RGS5: variants seen among roughly 807,000 people sequenced by gnomAD.
RGS5 encodes the protein regulator of G protein signaling 5.
A neutral mutation model predicts 18.9 loss-of-function variants in RGS5; 20 were observed. The ratio of observed to expected loss-of-function variants is 1.06; its 90% CI spans 0.74 to 1.54. RGS5 has a LOEUF of 1.54. Ranked by LOEUF, RGS5 falls within the 40% of genes most tolerant of loss-of-function variation. The pLI, the probability that RGS5 is intolerant of heterozygous loss-of-function variation, is 0.00. For synonymous variants in RGS5, 57 were observed against 76.2 expected (o/e 0.75, Z 1.31); for missense variants, 201 against 211.8 (o/e 0.95, Z 0.32).
chr1:163,280,213 C>G (rs962459133), intron 2 of RGS5, among the ~76,000 whole-genome samples: 3 of 149,340 alleles, frequency 2.0e-5, no homozygotes, highest in African/African-American at 7.4e-5. Flanking sequence ...TAAAAAAAAA[C>G]AAGCCTACAA....
Position 163,255,428 on chromosome 1 carries a change from G to C in RGS5, c.-281+50805C>G, listed in dbSNP as rs1359097142. 2.0e-5 allele frequency among the ~76,000 whole-genome samples: 3 copies of C among 152,218 alleles called. No homozygotes were observed. In the East Asian group the frequency reaches 5.8e-4, roughly 29 times the overall value. ...TAAACCAGGAAGAAGTTGACTCTCT[G>C]AATATACCAATAACAGGCTCTGAAA... On this transcript the variant is annotated intron_variant, in intron 2 of 5. Transcript: ENST00000618415.
intron 2 of RGS5, among the ~76,000 whole-genome samples, chr1:163,268,563 C>T (rs148462322): frequency 2.4e-4 from 36 of 152,198 alleles, no homozygotes; most frequent in African/African-American, 6.3e-4. Flanking sequence ...CAATCCAGAA[C>T]CCACATCCCC....
intron 2 of RGS5, among the ~76,000 whole-genome samples, chr1:163,302,002 G>GTTTT (rs35908469): frequency 0.08 from 11,197 of 139,362 alleles, 439 homozygotes; most frequent in Non-Finnish European, 0.091. Flanking sequence ...AATTTTTCCT[G>GTTTT]TTTTTTTTTT....
At chr1:163,219,121 G>A (rs920355256), upstream of RGS5, among the ~76,000 whole-genome samples, 2 of 103,654 alleles carry the variant, frequency 1.9e-5, no homozygotes, top group African/African-American at 3.3e-5. Context: ...ACTCTTTATC[G>A]AGGTGTAAAT....
chr1:163,217,436 G>C, intron 1 of RGS5: 1 of 1,343,974 alleles, frequency 7.4e-7, no homozygotes, highest in Non-Finnish European at 9.7e-7. Flanking sequence ...AGCACTATTG[G>C]CATCCTTCCA....
chr1:163,239,107 G>C (rs1241427308), intron 2 of RGS5: 1 of 176,878 alleles, frequency 5.7e-6, no homozygotes, highest in African/African-American at 2.4e-5. Context: ...AACTGTCATG[G>C]CATCAGGAAA....
intron 2 of RGS5, among the ~76,000 whole-genome samples, chr1:163,247,178 A>G (rs1192523810): frequency 1.3e-5 from 2 of 152,226 alleles, no homozygotes; most frequent in African/African-American, 4.8e-5. Flanking sequence ...ACCAAACTCC[A>G]GCAACACACA....
At chr1:163,175,897 T>C (rs1460305897) in intron 1 of RGS5, among the ~76,000 whole-genome samples, 2 of 152,196 alleles carry the variant, frequency 1.3e-5, no homozygotes, top group Admixed American at 6.5e-5. Flanking sequence ...ATAGTAGTAG[T>C]AGTATTAATG....
intron 1 of RGS5, chr1:163,308,626 A>G (rs915804764): frequency 6.6e-6 from 1 of 152,254 alleles, no homozygotes; most frequent in Non-Finnish European, 1.5e-5. Context: ...CCATGCCAAT[A>G]GTTCACTGTC....
chr1:163,188,441 GGAGAGGGCAC>G (rs1659187378), intron 1 of RGS5, among the ~76,000 whole-genome samples: 8 of 152,104 alleles, frequency 5.3e-5, no homozygotes, highest in Admixed American at 5.2e-4. Context: ...TAGTCAACAG[GGAGAGGGCAC>G]AACCCAGGAA....
chr1:163,285,144 A>G (rs1488841226), intron 2 of RGS5, among the ~76,000 whole-genome samples: 1 of 152,162 alleles, frequency 6.6e-6, no homozygotes, highest in Non-Finnish European at 1.5e-5. Flanking sequence ...AACACATGGG[A>G]ATTATGAGAA....
At chr1:163,241,595 C>T (rs954971732) in intron 2 of RGS5, among the ~76,000 whole-genome samples, 1 of 151,440 alleles carries the variant, frequency 6.6e-6, no homozygotes, top group Non-Finnish European at 1.5e-5. Context: ...CGTTTATTCT[C>T]ACATTATCTG....
At position 163,168,359 on chromosome 1, in the gene RGS5, C is replaced by T; in HGVS notation, c.54G>A (p.Glu18=). 6.2e-7 allele frequency: 1 copy of T among 1,613,136 alleles called. No homozygotes were observed. Among genetic ancestry groups the T allele is most frequent in the Non-Finnish European group, 8.5e-7 (1 of 1,179,156 alleles). The stretch of plus-strand genomic sequence containing the variant: ...GGAGAATTCCCAACTTGATCTTAAT[C>T]TCCTTGGCCCTGAAAGAAGAGACAC... ...LPHSCLERAK[E]IKIKLGILLQ... is the part of the protein sequence containing the mutation. Residue 18 remains glutamate (E), a synonymous_variant, in exon 2 of 5, where the codon GAG becomes GAA. Coordinates refer to ENST00000313961, the MANE Select transcript of RGS5 (RefSeq NM_003617.4).
chr1:163,188,484 T>A (rs969830660), intron 1 of RGS5, among the ~76,000 whole-genome samples: 1 of 152,176 alleles, frequency 6.6e-6, no homozygotes, highest in South Asian at 2.1e-4. Context: ...GGGCATATAG[T>A]GTGAAGGAGT....
chr1:163,303,934 C>A (rs1293977357), intron 2 of RGS5, among the ~76,000 whole-genome samples: 1 of 152,090 alleles, frequency 6.6e-6, no homozygotes, highest in Non-Finnish European at 1.5e-5. Context: ...ACCAATCCCC[C>A]CACATATCCA....
At chr1:163,266,966 CAGAG>C (rs1206465390) in intron 2 of RGS5, among the ~76,000 whole-genome samples, 1 of 152,020 alleles carries the variant, frequency 6.6e-6, no homozygotes, top group Non-Finnish European at 1.5e-5. Context: ...GAAGGTGCTC[CAGAG>C]AGAAAGAGGG....
At position 163,144,881 on chromosome 1, in the gene RGS5, T is replaced by G. The variant is rs1420060278; in HGVS notation, c.*2461A>C. The G allele has an allele frequency of 6.6e-6, 1 of 152,526 alleles. No individual in the cohort carries two copies. The highest frequency in any genetic ancestry group is 1.5e-5 in the Non-Finnish European group (1 of 68,030). The allele number at this position is 152,526 out of a possible 1,614,324, so 9.4% of individuals were successfully genotyped here. On this transcript the variant is annotated 3_prime_UTR_variant, in exon 5 of 5. Coordinates refer to ENST00000313961, the MANE Select transcript of RGS5 (RefSeq NM_003617.4). ...TGATTTCTCATTTGGGGCTGGAATA[T>G]TTGTATTCTTTTTAATTTTTTTACT...
At chr1:163,191,718 TA>T (rs1659364892) in intron 1 of RGS5, among the ~76,000 whole-genome samples, 1 of 152,170 alleles carries the variant, frequency 6.6e-6, no homozygotes, top group Non-Finnish European at 1.5e-5. Context: ...ACAGAGCTCC[TA>T]AATCCCTTGG....
intron 2 of RGS5, among the ~76,000 whole-genome samples, chr1:163,290,580 T>C (rs1263904796): frequency 6.6e-6 from 1 of 151,050 alleles, no homozygotes; most frequent in African/African-American, 2.4e-5. Context: ...CCCACATTAA[T>C]ATCACATTTT....
Sources: gnomAD v4.1 joint callset for allele counts (sites outside exome capture counted in the v4.1 genomes callset) on GRCh38, gnomAD v4.1.1 for gene constraint, MANE v1.5 for transcripts, NCBI Gene and HGNC (gene_info 2026-07-23, HGNC 2026-07-21) for gene names.